Variants in ARID1B observed in about 807,000 individuals in gnomAD.
The protein encoded by ARID1B is AT-rich interaction domain 1B.
A neutral mutation model predicts 212.3 loss-of-function variants in ARID1B; 30 were observed. That is an observed-to-expected ratio of 0.14 (90% CI 0.11 to 0.19). The LOEUF (loss-of-function observed/expected upper bound fraction) is 0.19. Ranked by LOEUF, ARID1B falls within the 10% of genes least tolerant of loss-of-function variation. The pLI is 1.00. For synonymous variants in ARID1B, 1,402 were observed against 1,301.7 expected, an observed-to-expected ratio of 1.08 and a Z score of -1.66; for missense variants, 2,891 against 3,204.0, an observed-to-expected ratio of 0.90 and a Z score of 2.36.
chr6:157,113,240 A>G (rs1787062736), intron 6 of ARID1B, among the ~76,000 whole-genome samples: 1 of 152,170 alleles, frequency 6.6e-6, no homozygotes, highest in Non-Finnish European at 1.5e-5. Flanking sequence ...TCTTTCAAAT[A>G]GTAAATATAA....
Position 157,166,998 on chromosome 6 carries a change from T to C in ARID1B, c.3090-42T>C, listed in dbSNP as rs768289719. On this transcript the variant is annotated intron_variant, in intron 8 of 19. Coordinates refer to ENST00000636930, the MANE Select transcript of ARID1B (RefSeq NM_001374828.1). ...CTGCCAGGGCAAACCACTGCTAATG[T>C]GCATGGTCGGTATATGTGTGCTGTG... The C allele has an allele frequency of 1.7e-5, 28 of 1,600,034 alleles. No individual in the cohort carries two copies. In the East Asian group the frequency reaches 6.3e-4, roughly 36 times the overall value.
intron 1 of ARID1B, among the ~76,000 whole-genome samples, chr6:156,793,900 C>T (rs1460440283): frequency 6.6e-6 from 1 of 152,236 alleles, no homozygotes; most frequent in Non-Finnish European, 1.5e-5. Context: ...GCACATTGCA[C>T]GTATTATCTG....
At chr6:156,786,627 C>T (rs1779649716) in intron 1 of ARID1B, among the ~76,000 whole-genome samples, 1 of 152,002 alleles carries the variant, frequency 6.6e-6, no homozygotes, top group Admixed American at 6.5e-5. Context: ...TACTGGGAAG[C>T]AATAGTTATT....
chr6:157,205,928 CAA>C, intron 19 of ARID1B: 1 of 523,974 alleles, frequency 1.9e-6, no homozygotes, highest in Non-Finnish European at 3.4e-6. Context: ...ATAGTCTAAG[CAA>C]GGAAGCAGCA....
In ARID1B at chr6:157,208,715, C is replaced by CTTTTTTTTTTTTTTTT. The variant is rs878880822; in HGVS notation, c.*827_*842dup. ...AAACATACCCTCATTTTTTTCTTTT[C>CTTTTTTTTTTTTTTTT]TTTTTTTTTTTTTTTTTTAGTACAA... On this transcript the variant is annotated 3_prime_UTR_variant, in exon 20 of 20. Transcript: ENST00000636930. 3 of 139,992 alleles carry CTTTTTTTTTTTTTTTT rather than the reference C, an allele frequency of 2.1e-5. No homozygotes were observed. Among genetic ancestry groups the CTTTTTTTTTTTTTTTT allele is most frequent in the Admixed American group, 9.0e-5 (1 of 11,134 alleles). The allele number at this position is 139,992 out of a possible 1,614,324, so 8.7% of individuals were successfully genotyped here.
intron 3 of ARID1B, among the ~76,000 whole-genome samples, chr6:156,934,424 G>C (rs1337810201): frequency 1.3e-5 from 2 of 152,134 alleles, no homozygotes; most frequent in Admixed American, 1.3e-4. Context: ...TCTTGGAAGA[G>C]TGTTTGACAA....
chr6:156,980,078 G>A (rs1049973385), intron 4 of ARID1B, among the ~76,000 whole-genome samples: 1 of 152,116 alleles, frequency 6.6e-6, no homozygotes, highest in Non-Finnish European at 1.5e-5. Context: ...AGACTTTAAG[G>A]AAAGTATATG....
At chr6:157,170,801 C>A (rs919615896) in intron 9 of ARID1B, among the ~76,000 whole-genome samples, 1 of 152,170 alleles carries the variant, frequency 6.6e-6, no homozygotes, top group Non-Finnish European at 1.5e-5. Flanking sequence ...CAGGGCCTTG[C>A]GTATCCAATG....
At chr6:157,147,977 T>G (rs939076772) in intron 7 of ARID1B, among the ~76,000 whole-genome samples, 1 of 141,162 alleles carries the variant, frequency 7.1e-6, no homozygotes, top group Non-Finnish European at 1.5e-5. Context: ...GTGCCGTGCT[T>G]GTGCTGGGAC....
intron 7 of ARID1B, among the ~76,000 whole-genome samples, chr6:157,135,841 T>C (rs1788866942): frequency 1.3e-5 from 2 of 152,212 alleles, no homozygotes; most frequent in Admixed American, 1.3e-4. Context: ...ATATTCAGCT[T>C]CCTTCTTTGC....
chr6:157,204,823 ACT>A (rs1794337918), intron 19 of ARID1B: 1 of 152,082 alleles, frequency 6.6e-6, no homozygotes, highest in Non-Finnish European at 1.5e-5. Flanking sequence ...TATACAAACA[ACT>A]CTCTACTTTG....
chr6:157,120,155 C>T (rs1787610445), intron 6 of ARID1B, among the ~76,000 whole-genome samples: 1 of 152,180 alleles, frequency 6.6e-6, no homozygotes, highest in South Asian at 2.1e-4. Flanking sequence ...TCTTTTTCCT[C>T]AGCACTGAAG....
At chr6:156,994,344 C>A (rs1321693511) in intron 4 of ARID1B, among the ~76,000 whole-genome samples, 1 of 152,014 alleles carries the variant, frequency 6.6e-6, no homozygotes, top group Non-Finnish European at 1.5e-5. Flanking sequence ...ATGCAGAAAG[C>A]GCTAATGGGT....
rs2114993078 is a variant in ARID1B, at chr6:156,779,001, T to C, written c.1321T>C (p.Tyr441His). 1 of 1,251,922 alleles carries C rather than the reference T, an allele frequency of 8.0e-7. No individual in the cohort carries two copies. Among genetic ancestry groups the C allele is most frequent in the Non-Finnish European group, 9.9e-7 (1 of 1,012,276 alleles). 77.6% of individuals were successfully genotyped at this position (1,251,922 alleles called of 1,614,324 possible). A position where few individuals can be genotyped will look rare whatever the true frequency, so the allele number is the denominator to read the frequency against. Reference protein sequence around the residue: ...AAAGGGGGGGYGGSSAGYGVL... With the variant: ...AAAGGGGGGGHGGSSAGYGVL... ...AGCAGGAGGCGGCGGCGGCGGCGGCTATGGGGGCTCGTCCGCGGGGTACGG... is the reference window on the plus strand; with the variant it reads ...AGCAGGAGGCGGCGGCGGCGGCGGCCATGGGGGCTCGTCCGCGGGGTACGG... Residue 441 changes from tyrosine (Y) to histidine (H), a missense_variant, in exon 1 of 20, where the codon TAT becomes CAT. By Grantham distance (83) the Tyr-to-His change is moderately conservative (BLOSUM62 2). Transcript: ENST00000636930.
chr6:157,185,230 A>G (rs1792890391), intron 13 of ARID1B: 1 of 152,298 alleles, frequency 6.6e-6, no homozygotes, highest in Non-Finnish European at 1.5e-5. Context: ...GATAAATGCA[A>G]TAGTAGAGAG....
In ARID1B at chr6:157,084,813, G is replaced by A. The variant is rs933677112; in HGVS notation, c.2399G>A (p.Ser800Asn). Residue 800 changes from serine (S) to asparagine (N), a missense_variant, in exon 5 of 20, where the codon AGC becomes AAC. Physicochemically the swap from Ser to Asn is conservative, Grantham distance 46 (BLOSUM62 1). This residue lies in a region of ARID1B where 1,643 missense variants were observed against 1,544.0 expected (regional missense o/e 1.06). Coordinates refer to ENST00000636930, the MANE Select transcript of ARID1B (RefSeq NM_001374828.1). ...CCACATGCGTCCCCTCATCTCTCCA[G>A]CATCCCGGGGGGCCCATCTCCCTCT... ...FSPHASPHLSSIPGGPSPSPV... is the reference protein window; with the variant it reads ...FSPHASPHLSNIPGGPSPSPV... 6.2e-7 allele frequency: 1 copy of A among 1,614,020 alleles called. No individual in the cohort carries two copies. The highest frequency in any genetic ancestry group is 8.5e-7 in the Non-Finnish European group (1 of 1,179,932).
chr6:157,210,734 G>A lies in ARID1B; in HGVS notation c.*2843G>A, dbSNP rs573470420. 20 of 228,712 alleles carry A rather than the reference G, an allele frequency of 8.7e-5. No individual in the cohort carries two copies. The highest frequency in any genetic ancestry group is 1.6e-4 in the Non-Finnish European group (18 of 116,100). The allele number at this position is 228,712 out of a possible 1,614,324, so 14.2% of individuals were successfully genotyped here. A position where few individuals can be genotyped will look rare whatever the true frequency, so the allele number is the denominator to read the frequency against. On this transcript the variant is annotated 3_prime_UTR_variant, in exon 20 of 20. Coordinates refer to ENST00000636930, the MANE Select transcript of ARID1B (RefSeq NM_001374828.1). ...AAAAAAAAAAAAGATAAAAAATAAA[G>A]GTGCAAAGAAAGTTTAGTATTTTGG...
At chr6:157,132,924 A>T in intron 6 of ARID1B, 104 bp from the exon 7 acceptor site, 1 of 1,255,660 alleles carries the variant, frequency 8.0e-7, no homozygotes, top group African/African-American at 1.5e-5. Context: ...TTATGGTACC[A>T]GCCTTCTCCC....
intron 15 of ARID1B, 194 bp from the exon 16 acceptor site, chr6:157,195,971 G>C: frequency 1.8e-6 from 1 of 544,830 alleles, no homozygotes; most frequent in Non-Finnish European, 3.1e-6. Context: ...TGACGCAGGA[G>C]AATCGCCTGA....
Sources: allele counts gnomAD v4.1 joint callset (sites outside exome capture counted in the v4.1 genomes callset), GRCh38; gene constraint gnomAD v4.1.1; regional missense constraint gnomAD v4.1.1; transcripts MANE v1.5; gene names NCBI Gene and HGNC (gene_info 2026-07-23, HGNC 2026-07-21).